Variants in KATNA1 observed in about 807,000 individuals in gnomAD.
The protein encoded by KATNA1 is katanin p60 ATPase-containing subunit A1.
KATNA1 carries 42 observed loss-of-function variants against 62.6 expected under a neutral mutation model. The ratio of observed to expected loss-of-function variants is 0.67; its 90% CI spans 0.52 to 0.87. The LOEUF (loss-of-function observed/expected upper bound fraction) is 0.87, where lower values mean the gene tolerates loss of function less well. Ranked by LOEUF, KATNA1 falls within the 40% of genes least tolerant of loss-of-function variation. KATNA1 has a pLI of 0.00. For missense variants in KATNA1, 498 were observed against 612.5 expected (o/e 0.81, Z 1.97); for synonymous variants, 186 against 201.9 (o/e 0.92, Z 0.67).
chr6:149,639,508 A>G (rs1257549508), intron 1 of KATNA1, among the ~76,000 whole-genome samples: 1 of 152,140 alleles, frequency 6.6e-6, no homozygotes, highest in African/African-American at 2.4e-5. Context: ...CTGAGGCAGG[A>G]GAATCACTTG....
intron 4 of KATNA1, among the ~76,000 whole-genome samples, chr6:149,622,636 C>A (rs1383903333): frequency 6.6e-6 from 1 of 151,810 alleles, no homozygotes; most frequent in African/African-American, 2.4e-5. Context: ...GGGAAAATCC[C>A]AGCCTAGATG....
chr6:149,612,371 T>C (rs935835542), intron 4 of KATNA1, among the ~76,000 whole-genome samples: 2 of 152,000 alleles, frequency 1.3e-5, no homozygotes, highest in African/African-American at 4.8e-5. Flanking sequence ...TAGCCAGGCG[T>C]GGTGGCACGC....
intron 2 of KATNA1, among the ~76,000 whole-genome samples, chr6:149,633,647 C>T (rs1440727177): frequency 6.6e-6 from 1 of 151,926 alleles, no homozygotes; most frequent in South Asian, 2.1e-4. Context: ...GCAGGGGAAT[C>T]TCTTGAGCCC....
Position 149,594,921 on chromosome 6 carries a change from T to TAAAA in KATNA1, c.*111_*114dup. 1.3e-6 allele frequency: 1 copy of TAAAA among 749,328 alleles called. No individual in the cohort carries two copies. The highest frequency in any genetic ancestry group is 1.8e-5 in the African/African-American group (1 of 54,960). The allele number at this position is 749,328 out of a possible 1,614,324, so 46.4% of individuals were successfully genotyped here. ...TTATTCAGAATCATAAGGGTTTTTT[T>TAAAA]AAAAAAATCTTACCATTATGAAAGT... On this transcript the variant is annotated 3_prime_UTR_variant, in exon 11 of 11. Transcript: ENST00000367411.
intron 1 of KATNA1, among the ~76,000 whole-genome samples, chr6:149,646,396 C>T (rs1025532512): frequency 6.6e-6 from 1 of 152,162 alleles, no homozygotes; most frequent in Non-Finnish European, 1.5e-5. Flanking sequence ...CCCAATCATG[C>T]ATCTTCCTGA....
intron 4 of KATNA1, among the ~76,000 whole-genome samples, 188 bp from the exon 5 acceptor site, chr6:149,604,970 C>T (rs970241824): frequency 3.9e-5 from 6 of 152,024 alleles, no homozygotes; most frequent in African/African-American, 1.4e-4. Context: ...GTCAGGAAAT[C>T]GAGACCATCC....
chr6:149,644,159 G>A (rs577558725), intron 1 of KATNA1, among the ~76,000 whole-genome samples: 1 of 152,078 alleles, frequency 6.6e-6, no homozygotes, highest in South Asian at 2.1e-4. Context: ...ACCTAGTCTG[G>A]GCAAGGGTGT....
chr6:149,638,743 T>G (rs1196139713), intron 1 of KATNA1, among the ~76,000 whole-genome samples, 183 bp from the exon 2 acceptor site: 14 of 140,666 alleles, frequency 1.0e-4, no homozygotes, highest in South Asian at 4.9e-4. Context: ...TTTTTTTTTT[T>G]TTTTTTTTTT....
chr6:149,641,062 G>T (rs995033121), intron 1 of KATNA1, among the ~76,000 whole-genome samples: 1 of 151,092 alleles, frequency 6.6e-6, no homozygotes, highest in African/African-American at 2.4e-5. Flanking sequence ...TAGAGACAGG[G>T]TTTCTCCATT....
At chr6:149,647,905 A>T (rs1290880778) in intron 1 of KATNA1, among the ~76,000 whole-genome samples, 1 of 152,230 alleles carries the variant, frequency 6.6e-6, no homozygotes, top group Non-Finnish European at 1.5e-5. Context: ...ATCTACGTTT[A>T]TCTCTAACTT....
At chr6:149,628,973 G>A (rs1206828674) in intron 3 of KATNA1, among the ~76,000 whole-genome samples, 1 of 152,108 alleles carries the variant, frequency 6.6e-6, no homozygotes, top group Non-Finnish European at 1.5e-5. Flanking sequence ...TAAAGTCAAA[G>A]AGGAAAACTT....
At chr6:149,640,039 TAATC>T (rs1346544115) in intron 1 of KATNA1, among the ~76,000 whole-genome samples, 2 of 152,204 alleles carry the variant, frequency 1.3e-5, no homozygotes, top group East Asian at 3.8e-4. Flanking sequence ...TGTGCCACCT[TAATC>T]AAGTCCCTTA....
intron 5 of KATNA1, among the ~76,000 whole-genome samples, chr6:149,604,166 C>T (rs890622505): frequency 2.0e-5 from 3 of 152,124 alleles, no homozygotes; most frequent in African/African-American, 4.8e-5. Flanking sequence ...ATAAGCAACA[C>T]ACATACATAC....
intron 4 of KATNA1, among the ~76,000 whole-genome samples, chr6:149,617,541 C>T (rs1203762281): frequency 6.6e-6 from 1 of 152,232 alleles, no homozygotes; most frequent in African/African-American, 2.4e-5. Flanking sequence ...GTGGCTCACG[C>T]CTGTAATCCC....
chr6:149,613,221 C>G (rs921729070), intron 4 of KATNA1, among the ~76,000 whole-genome samples: 9 of 58,808 alleles, frequency 1.5e-4, no homozygotes, highest in African/African-American at 4.8e-4. Flanking sequence ...AAAAAAAGAA[C>G]ATCTACAAAA....
At chr6:149,599,943 G>A (rs1778474717) in intron 7 of KATNA1, among the ~76,000 whole-genome samples, 1 of 152,030 alleles carries the variant, frequency 6.6e-6, no homozygotes, top group Non-Finnish European at 1.5e-5. Context: ...TTCGGCATAG[G>A]TATGAAACTC....
rs1326955124 is a variant in KATNA1 at position 149,594,994 on chromosome 6, C to CAA, written c.*40_*41dup. On this transcript the variant is annotated 3_prime_UTR_variant, in exon 11 of 11. Transcript: ENST00000367411. ...ACAATGAATTACTGCATTTAATATT[C>CAA]AAACACTTAAGGCACATTTCTCACA... The CAA allele has an allele frequency of 4.0e-6, 6 of 1,496,984 alleles. No individual in the cohort carries two copies. The highest frequency in any genetic ancestry group is 5.6e-6 in the Non-Finnish European group (6 of 1,078,448). The allele number at this position is 1,496,984 out of a possible 1,614,324, so 92.7% of individuals were successfully genotyped here.
intron 3 of KATNA1, among the ~76,000 whole-genome samples, chr6:149,626,335 C>T (rs1779609128): frequency 8.4e-6 from 1 of 119,016 alleles, no homozygotes; most frequent in African/African-American, 3.4e-5. Flanking sequence ...CGTTCTGTCG[C>T]CCAGGCGGGA....
At chr6:149,638,717 T>TA (rs145326017) in intron 1 of KATNA1, 157 bp from the exon 2 acceptor site, 19 of 272,876 alleles carry the variant, frequency 7.0e-5, no homozygotes, top group African/African-American at 2.0e-4. Context: ...TTCACTCCTT[T>TA]AAAAAAAACA....
Sources: allele counts gnomAD v4.1 joint callset (sites outside exome capture counted in the v4.1 genomes callset), GRCh38; gene constraint gnomAD v4.1.1; transcripts MANE v1.5; gene names NCBI Gene and HGNC (gene_info 2026-07-23, HGNC 2026-07-21).